The following STRADB variants were observed in gnomAD, a reference collection of about 807,000 sequenced individuals.
STRADB encodes the protein STE20 related adaptor beta.
STRADB carries 34 observed loss-of-function variants against 52.1 expected under a neutral mutation model. That is an observed-to-expected ratio of 0.65 (90% CI 0.50 to 0.87). STRADB has a LOEUF of 0.87. Ranked by LOEUF, STRADB falls within the 40% of genes least tolerant of loss-of-function variation. STRADB has a pLI of 0.00. For missense variants in STRADB, 340 were observed against 483.9 expected, an observed-to-expected ratio of 0.70 and a Z score of 2.79; for synonymous variants, 133 against 174.5, an observed-to-expected ratio of 0.76 and a Z score of 1.87.
At chr2:201,476,484 AT>A (rs1012699769) in intron 7 of STRADB, among the ~76,000 whole-genome samples, 22 of 151,838 alleles carry the variant, frequency 1.4e-4, no homozygotes, top group Admixed American at 1.4e-3. Context: ...AAGTTTCTAA[AT>A]TCAGTGTTTG....
chr2:201,480,130 A>T lies in STRADB; in HGVS notation c.1212A>T (p.Pro404=). Residue 404 remains proline, a synonymous_variant, in exon 12 of 12, where the codon CCA becomes CCT. Coordinates refer to ENST00000194530, the MANE Select transcript of STRADB (RefSeq NM_018571.6). ...CTCCAGTGTTACCTTGGACTGAGCCAGAATGTGATTTTCCTGATGAAAAAG... is the reference window on the plus strand; with the variant it reads ...CTCCAGTGTTACCTTGGACTGAGCCTGAATGTGATTTTCCTGATGAAAAAG... ...SLPPVLPWTE[P]ECDFPDEKDS... 6.2e-7 allele frequency: 1 copy of T among 1,613,892 alleles called. No individual in the cohort carries two copies. Among genetic ancestry groups the T allele is most frequent in the Non-Finnish European group, 8.5e-7 (1 of 1,179,806 alleles).
chr2:201,453,423 G>A (rs1198952427), intron 1 of STRADB, among the ~76,000 whole-genome samples: 4 of 152,074 alleles, frequency 2.6e-5, no homozygotes, highest in East Asian at 3.9e-4. Context: ...GATTACCAGC[G>A]GGTGTCCACA....
chr2:201,454,603 G>C (rs1174241118), intron 1 of STRADB, 143 bp from the exon 2 acceptor site: 6 of 382,622 alleles, frequency 1.6e-5, no homozygotes, highest in Non-Finnish European at 2.8e-5. Context: ...TACTTTTCAG[G>C]AATGTCTCCT....
chr2:201,460,839 T>C, intron 3 of STRADB: 1 of 299,652 alleles, frequency 3.3e-6, no homozygotes, highest in Non-Finnish European at 7.3e-6. Flanking sequence ...TGTGTATATA[T>C]CTCTTCAATA....
intron 7 of STRADB, among the ~76,000 whole-genome samples, chr2:201,476,880 G>C (rs1952480986): frequency 6.7e-6 from 1 of 148,256 alleles, no homozygotes; most frequent in African/African-American, 2.5e-5. Flanking sequence ...TACTCAGGAG[G>C]CTGAGGCAGG....
In STRADB at chr2:201,463,181, C is replaced by CA. The variant is rs1260748971; in HGVS notation, c.93+4323dup. 2.6e-5 allele frequency among the ~76,000 whole-genome samples: 4 copies of CA among 152,082 alleles called. No homozygotes were observed. In the East Asian group the frequency reaches 7.7e-4, roughly 29 times the overall value. On this transcript the variant is annotated intron_variant, in intron 3 of 11. Coordinates refer to ENST00000194530, the MANE Select transcript of STRADB (RefSeq NM_018571.6). The stretch of plus-strand genomic sequence containing the variant: ...TGAAACCCCATCTCTACTAAAAATA[C>CA]AAAAAATTAGCTGGGCGTGGTGGCA...
rs1952550900 is a variant in STRADB at position 201,480,315 on chromosome 2, C to G, written c.*140C>G. 4.6e-6 allele frequency: 7 copies of G among 1,506,050 alleles called. No homozygotes were observed. The highest frequency in any genetic ancestry group is 2.7e-5 in the South Asian group (2 of 73,188). 93.3% of individuals were successfully genotyped at this position (1,506,050 alleles called of 1,614,324 possible). A position where few individuals can be genotyped will look rare whatever the true frequency, so the allele number is the denominator to read the frequency against. ...GGAGAATCTATTATTTAAAACCACT[C>G]TGTTCAAAGGGGCACCAGTTTGTAG... On this transcript the variant is annotated 3_prime_UTR_variant, in exon 12 of 12. Coordinates refer to ENST00000194530, the MANE Select transcript of STRADB (RefSeq NM_018571.6).
At chr2:201,465,127 C>A (rs1952279653) in intron 3 of STRADB, among the ~76,000 whole-genome samples, 1 of 152,062 alleles carries the variant, frequency 6.6e-6, no homozygotes, top group South Asian at 2.1e-4. Context: ...AAGACCAAGC[C>A]CCCTTTACTG....
At chr2:201,469,136 G>C (rs1299112520) in intron 3 of STRADB, among the ~76,000 whole-genome samples, 2 of 152,048 alleles carry the variant, frequency 1.3e-5, no homozygotes, top group African/African-American at 4.8e-5. Flanking sequence ...TGATTAAAAA[G>C]AGCCAAGAAT....
At chr2:201,458,000 G>A (rs1952153255) in intron 2 of STRADB, among the ~76,000 whole-genome samples, 1 of 152,008 alleles carries the variant, frequency 6.6e-6, no homozygotes, top group Non-Finnish European at 1.5e-5. Context: ...CTCTAGCCTG[G>A]GTGACAGACT....
In STRADB at chr2:201,479,537, C is replaced by T; in HGVS notation, c.1113+6C>T. The T allele has an allele frequency of 6.2e-7, 1 of 1,600,674 alleles. No homozygotes were observed. The highest frequency in any genetic ancestry group is 2.2e-5 in the East Asian group (1 of 44,546). ...CCCATGTTTTCTTCAAACAGGTGAG[C>T]TGATCTATCATCCGTTGTCTCGATG... is the stretch of plus-strand genomic sequence containing the variant. On this transcript the variant is annotated splice_donor_region_variant and intron_variant, in intron 11 of 11. Transcript: ENST00000194530.
Position 201,459,015 on chromosome 2 carries a change from C to A in STRADB, c.93+151C>A, listed in dbSNP as rs1952172205. The A allele has an allele frequency of 6.6e-6, 4 of 608,368 alleles. No individual in the cohort carries two copies. In the East Asian group the frequency reaches 1.2e-4, roughly 18 times the overall value. The allele number at this position is 608,368 out of a possible 1,614,324, so 37.7% of individuals were successfully genotyped here. A position where few individuals can be genotyped will look rare whatever the true frequency, so the allele number is the denominator to read the frequency against. The stretch of plus-strand genomic sequence containing the variant: ...CATCTTTAAAAAAAATGGTTGAGTA[C>A]AATGAATGCTCTAACTTTGCCTTCT... On this transcript the variant is annotated intron_variant, in intron 3 of 11. Coordinates refer to ENST00000194530, the MANE Select transcript of STRADB (RefSeq NM_018571.6).
intron 5 of STRADB, among the ~76,000 whole-genome samples, chr2:201,474,407 A>G (rs1952440095): frequency 6.6e-6 from 1 of 152,174 alleles, no homozygotes; most frequent in African/African-American, 2.4e-5. Context: ...ACTTCTTTTT[A>G]TTAATTGCAT....
chr2:201,460,157 AT>A (rs1952191327), intron 3 of STRADB, among the ~76,000 whole-genome samples: 1 of 151,916 alleles, frequency 6.6e-6, no homozygotes, highest in Non-Finnish European at 1.5e-5. Flanking sequence ...TATTTCTGTT[AT>A]TTGGCTTTTT....
chr2:201,479,334 T>C, intron 10 of STRADB, 155 bp from the exon 11 acceptor site: 1 of 641,022 alleles, frequency 1.6e-6, no homozygotes, highest in Non-Finnish European at 2.7e-6. Context: ...TTAGTCAAGG[T>C]TGTAGCTAAG....
chr2:201,476,240 TAAA>T (rs2125682561), intron 7 of STRADB, among the ~76,000 whole-genome samples: 1 of 152,346 alleles, frequency 6.6e-6, no homozygotes, highest in Non-Finnish European at 1.5e-5. Context: ...GATTGAATGT[TAAA>T]AACAGTGCTA....
At chr2:201,479,934 ACACATTT>A in intron 11 of STRADB, 91 bp from the exon 12 acceptor site, 1 of 1,439,590 alleles carries the variant, frequency 6.9e-7, no homozygotes. Context: ...ACAATTTTAA[ACACATTT>A]AACATAAATT....
intron 3 of STRADB, 45 bp from the exon 4 acceptor site, chr2:201,469,908 C>A: frequency 7.0e-7 from 1 of 1,437,376 alleles, no homozygotes. Context: ...GCAGGGGGAC[C>A]AAGAAGTTCA....
intron 2 of STRADB, among the ~76,000 whole-genome samples, chr2:201,455,708 A>C (rs1449367808): frequency 2.0e-5 from 3 of 152,196 alleles, no homozygotes; most frequent in African/African-American, 7.2e-5. Context: ...TGTCTCAAAA[A>C]AAAAAAAGGA....
Sources: allele counts gnomAD v4.1 joint callset (sites outside exome capture counted in the v4.1 genomes callset), GRCh38; gene constraint gnomAD v4.1.1; transcripts MANE v1.5; gene names NCBI Gene and HGNC (gene_info 2026-07-23, HGNC 2026-07-21).